KANK1: variants seen among roughly 807,000 people sequenced by gnomAD.
The protein encoded by KANK1 is KN motif and ankyrin repeat domains 1, also known as KN motif and ankyrin repeat domain-containing protein 1.
Under a neutral mutation model 106.2 loss-of-function variants are expected in KANK1, and 109 were observed. That is an observed-to-expected ratio of 1.03 (90% confidence interval 0.88 to 1.20). The LOEUF is 1.20. Among genes scored for constraint, KANK1 ranks in the 50% most tolerant of loss-of-function variants. The pLI is 0.00. For missense variants in KANK1, 2,399 were observed against 1,710.7 expected (o/e 1.40, Z -7.10); for synonymous variants, 873 against 652.2 (o/e 1.34, Z -5.16).
chr9:523,956 G>T (rs2059667245), intron 1 of KANK1, among the ~76,000 whole-genome samples: 1 of 151,660 alleles, frequency 6.6e-6, no homozygotes, highest in Admixed American at 6.6e-5. Context: ...CTGGTTGGTG[G>T]TACATCAAGC....
chr9:574,803 C>T (rs1341725153), intron 1 of KANK1, among the ~76,000 whole-genome samples: 8 of 146,704 alleles, frequency 5.5e-5, no homozygotes, highest in African/African-American at 2.0e-4. Context: ...TGCAGTGAGC[C>T]GAGATTGCAC....
intron 1 of KANK1, among the ~76,000 whole-genome samples, chr9:651,950 T>C (rs1840971527): frequency 6.6e-6 from 1 of 152,182 alleles, no homozygotes; most frequent in South Asian, 2.1e-4. Context: ...TTTGAAACAT[T>C]GTTTTGAGGA....
intron 1 of KANK1, among the ~76,000 whole-genome samples, chr9:631,536 TCTC>T (rs1835736394): frequency 1.2e-5 from 1 of 80,644 alleles, no homozygotes; most frequent in Non-Finnish European, 2.0e-5. Flanking sequence ...CCTCTTAGGA[TCTC>T]CTTCTTCCAC....
chr9:529,533 T>C (rs2059965536), intron 1 of KANK1, among the ~76,000 whole-genome samples: 1 of 152,060 alleles, frequency 6.6e-6, no homozygotes, highest in African/African-American at 2.4e-5. Context: ...TATATGATCA[T>C]ATTCTCTCTC....
intron 1 of KANK1, chr9:539,634 G>C (rs2060481762): frequency 6.6e-6 from 1 of 152,188 alleles, no homozygotes; most frequent in East Asian, 1.9e-4. Context: ...GTGACTGCAG[G>C]TGTGTACCAC....
intron 3 of KANK1, among the ~76,000 whole-genome samples, chr9:489,901 T>A (rs1165159064): frequency 6.6e-6 from 1 of 152,206 alleles, no homozygotes; most frequent in Non-Finnish European, 1.5e-5. Flanking sequence ...TGACCTTGTA[T>A]TAAACAATAC....
At chr9:715,281 A>G (rs1383018706) in intron 3 of KANK1, among the ~76,000 whole-genome samples, 1 of 152,350 alleles carries the variant, frequency 6.6e-6, no homozygotes, top group East Asian at 1.9e-4. Flanking sequence ...AGAGTCTGCA[A>G]GAACTCATGC....
intron 3 of KANK1, among the ~76,000 whole-genome samples, chr9:724,483 G>A (rs766778296): frequency 7.7e-4 from 117 of 152,220 alleles, no homozygotes; most frequent in African/African-American, 2.5e-3. Flanking sequence ...AAAATGCTTC[G>A]TACAAGCATT....
At chr9:608,884 T>G (rs1041023578) in intron 1 of KANK1, among the ~76,000 whole-genome samples, 1 of 152,126 alleles carries the variant, frequency 6.6e-6, no homozygotes, top group Non-Finnish European at 1.5e-5. Flanking sequence ...ACATGCATAA[T>G]AGATGCATTC....
rs1820519681 is a variant in KANK1 at position 693,637 on chromosome 9, G to C, written c.37+16628G>C. The C allele has an allele frequency of 3.0e-6, 3 of 985,410 alleles. No homozygotes were observed. The East Asian group carries it at 3.4e-4, about 112-fold the overall frequency. 61.0% of individuals were successfully genotyped at this position (985,410 alleles called of 1,614,324 possible). On this transcript the variant is annotated intron_variant, in intron 2 of 11. Transcript: ENST00000382297. Reference sequence around the variant, plus strand: ...GGCCAGCAGGCTGTTAGTTCGTCAGGAAATTCCAAATGGGTATAAATAAAT... The same window carrying C: ...GGCCAGCAGGCTGTTAGTTCGTCAGCAAATTCCAAATGGGTATAAATAAAT...
chr9:496,556 C>A (rs924074184), intron 3 of KANK1, among the ~76,000 whole-genome samples: 1 of 151,544 alleles, frequency 6.6e-6, no homozygotes, highest in Non-Finnish European at 1.5e-5. Flanking sequence ...GACTCCATCT[C>A]AAAATAAATA....
intron 1 of KANK1, among the ~76,000 whole-genome samples, chr9:517,949 G>T (rs1482380009): frequency 1.3e-5 from 2 of 151,366 alleles, no homozygotes; most frequent in Non-Finnish European, 2.9e-5. Flanking sequence ...TATTGGCCGG[G>T]CTGGTCTTGA....
chr9:584,854 C>G (rs1424648153), intron 1 of KANK1, among the ~76,000 whole-genome samples: 1 of 152,188 alleles, frequency 6.6e-6, no homozygotes, highest in Non-Finnish European at 1.5e-5. Context: ...AAATGACCAG[C>G]ACAAACCTTT....
At chr9:723,465 G>C (rs1157012876) in intron 3 of KANK1, among the ~76,000 whole-genome samples, 1 of 151,756 alleles carries the variant, frequency 6.6e-6, no homozygotes, top group Non-Finnish European at 1.5e-5. Context: ...TAAAATCAGT[G>C]CATTTTCGTG....
intron 3 of KANK1, among the ~76,000 whole-genome samples, chr9:490,353 A>AG (rs60833686): frequency 0.019 from 2,879 of 152,190 alleles, 102 homozygotes; most frequent in African/African-American, 0.064. Flanking sequence ...TAAAATTAAA[A>AG]AGAAAAAAAA....
intron 1 of KANK1, among the ~76,000 whole-genome samples, chr9:509,771 G>T (rs2132771954): frequency 6.6e-6 from 1 of 152,168 alleles, no homozygotes; most frequent in Admixed American, 6.5e-5. Context: ...AGTTATCCTT[G>T]AACCTAATAT....
rs189225509 is a variant in KANK1, at chr9:623,616, A to G, written c.-83-53274A>G. 2.6e-5 allele frequency among the ~76,000 whole-genome samples: 4 copies of G among 151,678 alleles called. No individual in the cohort carries two copies. In the East Asian group the frequency reaches 7.7e-4, roughly 29 times the overall value. ...TGAGATTGTGTCTCAAAAAAAAAAA[A>G]GAAAAAGAAAAAAAAAAGAAAAATG... is the stretch of plus-strand genomic sequence containing the variant. On this transcript the variant is annotated intron_variant, in intron 1 of 11. Transcript: ENST00000382297.
intron 1 of KANK1, among the ~76,000 whole-genome samples, chr9:606,461 C>G (rs1314339197): frequency 4.7e-5 from 7 of 147,510 alleles, no homozygotes; most frequent in Admixed American, 3.3e-4. Flanking sequence ...GAGGTTGAGA[C>G]AGGAGAATCA....
rs888009336 is a variant in KANK1, at chr9:567,494, G to A, written c.-84+62740G>A. On this transcript the variant is annotated intron_variant, in intron 1 of 11. Coordinates refer to ENST00000382297, the MANE Select transcript of KANK1 (RefSeq NM_015158.5). ...TTTGCCCATGCCCAGGAATGACGAA[G>A]GACAACTTGGAGGTTAGAAGCAAGG... Among the ~76,000 whole-genome samples, 9 of 152,326 alleles carry A rather than the reference G, an allele frequency of 5.9e-5. No homozygotes were observed. In the East Asian group the frequency reaches 1.5e-3, roughly 26 times the overall value.
Sources: allele counts gnomAD v4.1 joint callset (sites outside exome capture counted in the v4.1 genomes callset), GRCh38; gene constraint gnomAD v4.1.1; transcripts MANE v1.5; gene names NCBI Gene and HGNC (gene_info 2026-07-23, HGNC 2026-07-21).